Variants in SLC6A14 observed in about 807,000 individuals in gnomAD.
SLC6A14 encodes solute carrier family 6 member 14.
SLC6A14 carries 21 observed loss-of-function variants against 51.4 expected under a neutral mutation model. The ratio of observed to expected loss-of-function variants is 0.41; its 90% confidence interval spans 0.29 to 0.59. The LOEUF is 0.59. SLC6A14 is among the 20% of genes least tolerant of loss of function. The pLI is 0.31. For synonymous variants in SLC6A14, 177 were observed against 160.7 expected (o/e 1.10, Z -0.77); for missense variants, 371 against 472.8 (o/e 0.78, Z 2.00).
At chrX:116,438,363 C>T (rs1425105857) in intron 2 of SLC6A14, among the ~76,000 whole-genome samples, 3 of 111,810 alleles carry the variant, frequency 2.7e-5, no homozygotes, top group African/African-American at 9.7e-5. Flanking sequence ...TATTAAGAAG[C>T]TCAAATAAAT....
Position 116,458,985 on chromosome X carries a change from T to C in SLC6A14, c.*30T>C, listed in dbSNP as rs1927989174. 1.8e-6 allele frequency: 2 copies of C among 1,134,144 alleles called. No individual in the cohort carries two copies. Among genetic ancestry groups the C allele is most frequent in the Admixed American group, 2.5e-5 (1 of 39,412 alleles). 93.5% of individuals were successfully genotyped at this position (1,134,144 alleles called of 1,213,427 possible). On this transcript the variant is annotated 3_prime_UTR_variant, in exon 14 of 14. Transcript: ENST00000598581. ...TCATTGAAAAAAATATATGATTGTATAATGTGATTTTTTTTAGAATAGGGG... is the reference window on the plus strand; with the variant it reads ...TCATTGAAAAAAATATATGATTGTACAATGTGATTTTTTTTAGAATAGGGG...
intron 9 of SLC6A14, 95 bp from the exon 10 acceptor site, chrX:116,454,229 A>G: frequency 1.8e-6 from 1 of 546,050 alleles, no homozygotes; most frequent in African/African-American, 2.3e-5. Flanking sequence ...TTTTCAACAT[A>G]TATTTGTAAA....
chrX:116,439,779 A>G (rs1329239680), intron 2 of SLC6A14, among the ~76,000 whole-genome samples: 4 of 110,964 alleles, frequency 3.6e-5, no homozygotes, highest in Non-Finnish European at 7.6e-5. Flanking sequence ...TCTACTAGTC[A>G]TAGTAAAGAT....
intron 6 of SLC6A14, among the ~76,000 whole-genome samples, chrX:116,445,687 T>G (rs1163448296): frequency 1.8e-5 from 2 of 111,831 alleles, no homozygotes; most frequent in African/African-American, 6.5e-5. Context: ...TTTTATAAAC[T>G]TGCAGAGAGA....
intron 2 of SLC6A14, among the ~76,000 whole-genome samples, chrX:116,438,768 C>G (rs1927535925): frequency 8.9e-6 from 1 of 111,973 alleles, no homozygotes; most frequent in Non-Finnish European, 1.9e-5. Context: ...TGACATGCCC[C>G]TATATTTCAT....
chrX:116,442,884 T>C (rs782694671), intron 4 of SLC6A14, 36 bp downstream of exon 4: 1 of 1,009,304 alleles, frequency 9.9e-7, no homozygotes, highest in Non-Finnish European at 1.3e-6. Flanking sequence ...TTCTTTTATA[T>C]ATATTTTTTA....
At chrX:116,458,070 T>G (rs781824578) in intron 13 of SLC6A14, among the ~76,000 whole-genome samples, 1 of 112,084 alleles carries the variant, frequency 8.9e-6, no homozygotes, top group East Asian at 2.8e-4. Context: ...ATATGACAGC[T>G]ATGATATCTA....
chrX:116,447,994 T>G (rs1189455819), intron 7 of SLC6A14, among the ~76,000 whole-genome samples: 1 of 112,248 alleles, frequency 8.9e-6, no homozygotes, highest in Non-Finnish European at 1.9e-5. Flanking sequence ...AGAGAGACTA[T>G]GTTAATATTA....
chrX:116,457,886 C>T, intron 13 of SLC6A14, 110 bp downstream of exon 13: 2 of 575,955 alleles, frequency 3.5e-6, no homozygotes, highest in Non-Finnish European at 5.6e-6. Context: ...CAATTAATTA[C>T]TCCTTCCTCT....
chrX:116,455,257 G>T, intron 11 of SLC6A14, 100 bp from the exon 12 acceptor site: 1 of 715,386 alleles, frequency 1.4e-6, no homozygotes, highest in Non-Finnish European at 2.2e-6. Context: ...TCATTGTTGT[G>T]GTAGAGAAAA....
In SLC6A14 at chrX:116,436,666, G is replaced by T. The variant is rs1556693295; in HGVS notation, c.-44G>T. The T allele has an allele frequency of 8.7e-7, 1 of 1,151,284 alleles. No individual in the cohort carries two copies. The highest frequency in any genetic ancestry group is 2.6e-5 in the Admixed American group (1 of 38,210). 94.9% of individuals were successfully genotyped at this position (1,151,284 alleles called of 1,213,427 possible). ...ACCTGCTACCAGTCAAGCTCAGCCA[G>T]ACTGCAAGAGGAGGCGAGGCGGAGC... On this transcript the variant is annotated 5_prime_UTR_variant, in exon 1 of 14. Transcript: ENST00000598581.
At chrX:116,440,449 T>A (rs1556693582) in intron 2 of SLC6A14, among the ~76,000 whole-genome samples, 1 of 112,239 alleles carries the variant, frequency 8.9e-6, no homozygotes, top group Non-Finnish European at 1.9e-5. Context: ...AATAGACCAT[T>A]TATTTTTAAA....
At chrX:116,443,613 G>T in intron 4 of SLC6A14, 30 bp from the exon 5 acceptor site, 2 of 1,032,245 alleles carry the variant, frequency 1.9e-6, no homozygotes, top group Non-Finnish European at 2.6e-6. Context: ...CTAAGTACAT[G>T]TCTGTGTCTA....
intron 9 of SLC6A14, 85 bp downstream of exon 9, chrX:116,453,227 C>A: frequency 2.6e-6 from 2 of 771,183 alleles, no homozygotes; most frequent in Non-Finnish European, 1.8e-6. Flanking sequence ...TTTTATTACC[C>A]CTATTACCCC....
chrX:116,440,464 A>G (rs73590228), intron 2 of SLC6A14, among the ~76,000 whole-genome samples: 4,641 of 112,086 alleles, frequency 0.041, 228 homozygotes, highest in African/African-American at 0.14. Flanking sequence ...TTTAAAGGAG[A>G]AAGAAAGATA....
chrX:116,441,451 A>G (rs1927596549), intron 3 of SLC6A14, among the ~76,000 whole-genome samples: 1 of 111,960 alleles, frequency 8.9e-6, no homozygotes, highest in South Asian at 3.6e-4. Context: ...TTTCTACTTC[A>G]TATGTAGTTT....
intron 2 of SLC6A14, 110 bp from the exon 3 acceptor site, chrX:116,440,856 C>G (rs1927580359): frequency 2.4e-6 from 2 of 830,618 alleles, no homozygotes; most frequent in Admixed American, 3.0e-5. Flanking sequence ...AAACCCAGCG[C>G]TCTTTGATTC....
intron 1 of SLC6A14, 40 bp from the exon 2 acceptor site, chrX:116,437,750 A>G (rs1556693378): frequency 8.7e-7 from 1 of 1,153,855 alleles, no homozygotes; most frequent in East Asian, 3.1e-5. Context: ...GGAATTTGTA[A>G]TGGTAGAAAG....
Position 116,457,657 on chromosome X carries a change from G to A in SLC6A14, c.1663G>A (p.Ala555Thr), listed in dbSNP as rs782404299. 1.1e-5 allele frequency: 13 copies of A among 1,205,441 alleles called. No homozygotes were observed. The East Asian group carries it at 1.2e-4, about 11-fold the overall frequency. ...LVQFHRPNYGAIPYPDWGVAL... is the reference protein window; with the variant it reads ...LVQFHRPNYGTIPYPDWGVAL... The stretch of plus-strand genomic sequence containing the variant: ...GCAATTTCATAGACCTAATTATGGC[G>A]CAATTCCATACCCTGACTGGGGAGT... The change falls in exon 13 of 14, where the codon GCA becomes ACA. Residue 555 changes from alanine (A) to threonine (T), a missense_variant. Coordinates refer to ENST00000598581, the MANE Select transcript of SLC6A14 (RefSeq NM_007231.5).
Sources: allele counts gnomAD v4.1 joint callset (sites outside exome capture counted in the v4.1 genomes callset), GRCh38; gene constraint gnomAD v4.1.1; transcripts MANE v1.5; gene names NCBI Gene and HGNC (gene_info 2026-07-23, HGNC 2026-07-21).